RAD9A: variants seen among roughly 807,000 people sequenced by gnomAD.
RAD9A encodes the protein cell cycle checkpoint control protein RAD9A.
RAD9A carries 25 observed loss-of-function variants against 41.2 expected under a neutral mutation model. The ratio of observed to expected loss-of-function variants is 0.61; its 90% CI spans 0.44 to 0.85. The LOEUF is 0.85. Ranked by LOEUF, RAD9A falls within the 40% of genes least tolerant of loss-of-function variation. The pLI is 0.00. For missense variants in RAD9A, 514 were observed against 518.3 expected (o/e 0.99, Z 0.08); for synonymous variants, 252 against 210.6 (o/e 1.20, Z -1.70).
intron 3 of RAD9A, 75 bp from the exon 4 acceptor site, chr11:67,393,421 G>A: frequency 1.3e-6 from 2 of 1,562,920 alleles, no homozygotes; most frequent in South Asian, 1.2e-5. Flanking sequence ...GCCCATGATG[G>A]GTGTGGGCCT....
In RAD9A at chr11:67,392,682, G is replaced by A; in HGVS notation, c.134G>A (p.Arg45His). ...TCCCTCCGGACGGTGAACTCCTCCCGCTCTGCCTATGCCTGCTTTCTCTTT... is the reference window on the plus strand; with the variant it reads ...TCCCTCCGGACGGTGAACTCCTCCCACTCTGCCTATGCCTGCTTTCTCTTT... ...GLSLRTVNSSRSAYACFLFAP... is the reference protein window; with the variant it reads ...GLSLRTVNSSHSAYACFLFAP... Residue 45 changes from arginine (R) to histidine (H), a missense_variant, in exon 3 of 11, where the codon CGC becomes CAC. By Grantham distance (29) the Arg-to-His change is conservative (BLOSUM62 0). Coordinates refer to ENST00000307980, the MANE Select transcript of RAD9A (RefSeq NM_004584.3). 6.2e-7 allele frequency: 1 copy of A among 1,613,842 alleles called. No homozygotes were observed. Among genetic ancestry groups the A allele is most frequent in the Non-Finnish European group, 8.5e-7 (1 of 1,179,958 alleles).
In RAD9A at chr11:67,397,315, C is replaced by T. The variant is rs769181327; in HGVS notation, c.1009C>T (p.Pro337Ser). 2.5e-6 allele frequency: 4 copies of T among 1,596,504 alleles called. No individual in the cohort carries two copies. The highest frequency in any genetic ancestry group is 2.6e-6 in the Non-Finnish European group (3 of 1,170,492). ...ACCTGGCCCCCAGCCCCCCAAGAGC[C>T]CCGGTCCCCACTCCGAGGAGGAAGA... ...LSPGPQPPKSPGPHSEEEDEA... is the reference protein window; with the variant it reads ...LSPGPQPPKSSGPHSEEEDEA... The change falls in exon 10 of 11, where the codon CCC becomes TCC. Residue 337 changes from proline (P) to serine (S), a missense_variant. Physicochemically the swap from Pro to Ser is moderately conservative, Grantham distance 74. Transcript: ENST00000307980.
In RAD9A at chr11:67,392,017, T is replaced by C. The variant is rs1380053828; in HGVS notation, c.-28T>C. 18 of 1,550,594 alleles carry C rather than the reference T, an allele frequency of 1.2e-5. No homozygotes were observed. Among genetic ancestry groups the C allele is most frequent in the Non-Finnish European group, 1.4e-5 (16 of 1,150,396 alleles). ...GGAGGTCGCGGAGAGCTGGGCAGTGTTGGCCGCTGGCGGAGCGCTGGGGCA... is the reference window on the plus strand; with the variant it reads ...GGAGGTCGCGGAGAGCTGGGCAGTGCTGGCCGCTGGCGGAGCGCTGGGGCA... On this transcript the variant is annotated 5_prime_UTR_variant, in exon 1 of 11. Coordinates refer to ENST00000307980, the MANE Select transcript of RAD9A (RefSeq NM_004584.3).
chr11:67,393,869 G>A (rs1051859886), intron 5 of RAD9A, 79 bp downstream of exon 5: 2 of 1,159,556 alleles, frequency 1.7e-6, no homozygotes, highest in Non-Finnish European at 2.4e-6. Context: ...GATTTTAGAA[G>A]GTACCTCTTT....
In RAD9A at chr11:67,392,248, T is replaced by TGGGGGGGGG; in HGVS notation, c.105+23_105+24insGGGGGGGGG. ...GAGGACGGGGTGAGGGGCTAGGGTGTGGGGGGCGGGTGGGACTCCAGCCGG... is the reference window on the plus strand; with the variant it reads ...GAGGACGGGGTGAGGGGCTAGGGTGTGGGGGGGGGGGGGGGCGGGTGGGACTCCAGCCGG... On this transcript the variant is annotated intron_variant, in intron 2 of 10. Transcript: ENST00000307980. 1 of 321,852 alleles carries TGGGGGGGGG rather than the reference T, an allele frequency of 3.1e-6. No individual in the cohort carries two copies. Among genetic ancestry groups the TGGGGGGGGG allele is most frequent in the Non-Finnish European group, 6.2e-6 (1 of 162,536 alleles). 19.9% of individuals were successfully genotyped at this position (321,852 alleles called of 1,614,324 possible).
At chr11:67,394,849 C>G (rs963413162) in intron 5 of RAD9A, among the ~76,000 whole-genome samples, 3 of 151,852 alleles carry the variant, frequency 2.0e-5, no homozygotes, top group Admixed American at 6.6e-5. Flanking sequence ...CTCCCGACCT[C>G]AGGTGATCTG....
At chr11:67,395,877 G>A (rs2422488) in intron 6 of RAD9A, 35 bp from the exon 7 acceptor site, 7 of 1,612,792 alleles carry the variant, frequency 4.3e-6, no homozygotes, top group Non-Finnish European at 5.9e-6. Context: ...TGGGAGAGGG[G>A]CGGGGCCCAG....
At position 67,395,773 on chromosome 11, in the gene RAD9A, C is replaced by T; in HGVS notation, c.507C>T (p.Gly169=). Reference sequence around the variant, plus strand: ...CTGCACTGGCTGAAGTGACGCTGGGCATTGGCCGTGGCCGCAGGGTCATCC... The same window carrying T: ...CTGCACTGGCTGAAGTGACGCTGGGTATTGGCCGTGGCCGCAGGGTCATCC... The part of the protein sequence containing the change: ...FSPALAEVTL[G]IGRGRRVILR... Residue 169 remains glycine, a synonymous_variant, in exon 6 of 11, where the codon GGC becomes GGT. Coordinates refer to ENST00000307980, the MANE Select transcript of RAD9A (RefSeq NM_004584.3). The T allele has an allele frequency of 6.2e-7, 1 of 1,613,822 alleles. No homozygotes were observed. The highest frequency in any genetic ancestry group is 8.5e-7 in the Non-Finnish European group (1 of 1,179,920).
intron 3 of RAD9A, 32 bp downstream of exon 3, chr11:67,392,814 C>A (rs2066491): frequency 1.4e-5 from 23 of 1,610,182 alleles, no homozygotes; most frequent in Non-Finnish European, 2.0e-5. Flanking sequence ...TGGCACTACT[C>A]CACCCCAGGA....
intron 5 of RAD9A, among the ~76,000 whole-genome samples, chr11:67,394,678 C>T (rs919047007): frequency 9.9e-5 from 15 of 151,652 alleles, no homozygotes; most frequent in Non-Finnish European, 1.9e-4. Flanking sequence ...GGCAATGGCA[C>T]GATCTCGGCT....
intron 9 of RAD9A, among the ~76,000 whole-genome samples, chr11:67,396,799 T>C (rs969452166): frequency 7.9e-5 from 12 of 152,278 alleles, no homozygotes; most frequent in Middle Eastern, 3.4e-3. Flanking sequence ...GCACAGGAAG[T>C]TGGGGCTGGC....
chr11:67,394,740 G>A, intron 5 of RAD9A, among the ~76,000 whole-genome samples: 1 of 150,710 alleles, frequency 6.6e-6, no homozygotes, highest in Middle Eastern at 3.2e-3. Flanking sequence ...TCAGCCTCCC[G>A]AGTAGCTGGG....
chr11:67,394,722 C>T (rs538398404), intron 5 of RAD9A, among the ~76,000 whole-genome samples: 130 of 151,440 alleles, frequency 8.6e-4, no homozygotes, highest in African/African-American at 3.1e-3. Context: ...AAAAGTGATT[C>T]TCCTGCCTCA....
intron 5 of RAD9A, among the ~76,000 whole-genome samples, chr11:67,394,202 G>A (rs1862617522): frequency 1.3e-5 from 2 of 152,332 alleles, no homozygotes; most frequent in African/African-American, 2.4e-5. Context: ...TCCGGCCTGG[G>A]CATCCTTCCA....
In RAD9A at chr11:67,397,471, C is replaced by T. The variant is rs754054842; in HGVS notation, c.1088C>T (p.Ser363Leu). 1 of 1,611,090 alleles carries T rather than the reference C, an allele frequency of 6.2e-7. No individual in the cohort carries two copies. Among genetic ancestry groups the T allele is most frequent in the South Asian group, 1.1e-5 (1 of 90,954 alleles). ...PGTPPPKKFR[S>L]LFFGSILAPV... ...CACTTGTTCTCTTTCCAGTTCCGCT[C>T]ACTGTTCTTCGGCTCCATCCTGGCC... Residue 363 changes from serine to leucine, a missense_variant, in exon 11 of 11, where the codon TCA becomes TTA. Physicochemically the swap from Ser to Leu is moderately radical, Grantham distance 145. Coordinates refer to ENST00000307980, the MANE Select transcript of RAD9A (RefSeq NM_004584.3).
In RAD9A at chr11:67,393,173, G is replaced by A. The variant is rs1277549312; in HGVS notation, c.235-323G>A. On this transcript the variant is annotated intron_variant, in intron 3 of 10. Transcript: ENST00000307980. ...CACGCGCCTGTAATCCCAGCTACTC[G>A]GGAGGCTGAGGCAGGAGAATTGCTT... 2.2e-5 allele frequency: 13 copies of A among 602,326 alleles called. No homozygotes were observed. In the Admixed American group the frequency reaches 3.5e-4, roughly 16 times the overall value. The allele number at this position is 602,326 out of a possible 1,614,324, so 37.3% of individuals were successfully genotyped here.
chr11:67,396,046 C>A (rs372877970), intron 7 of RAD9A, 25 bp downstream of exon 7: 8 of 1,613,618 alleles, frequency 5.0e-6, no homozygotes, highest in South Asian at 1.1e-5. Context: ...AGGCGCTCGC[C>A]GTCCTGTCCT....
In RAD9A at chr11:67,395,766, C is replaced by T. The variant is rs200058436; in HGVS notation, c.500C>T (p.Thr167Met). Residue 167 changes from threonine to methionine, a missense_variant, in exon 6 of 11, where the codon ACG (threonine) becomes ATG (methionine). By Grantham distance (81) the Thr-to-Met change is moderately conservative (BLOSUM62 -1). Transcript: ENST00000307980. ...TTCTCTCCTGCACTGGCTGAAGTGA[C>T]GCTGGGCATTGGCCGTGGCCGCAGG... is the stretch of plus-strand genomic sequence containing the variant. ...LPFSPALAEV[T>M]LGIGRGRRVI... 2.2e-5 allele frequency: 35 copies of T among 1,613,624 alleles called. No homozygotes were observed. The highest frequency in any genetic ancestry group is 5.3e-5 in the African/African-American group (4 of 75,034).
intron 2 of RAD9A, 24 bp downstream of exon 2, chr11:67,392,255 C>CGGGGGGGGG: frequency 2.2e-6 from 1 of 453,534 alleles, no homozygotes; most frequent in Non-Finnish European, 4.3e-6. Context: ...GTGTGGGGGG[C>CGGGGGGGGG]GGGTGGGACT....
Sources: gnomAD v4.1 joint callset for allele counts (sites outside exome capture counted in the v4.1 genomes callset) on GRCh38, gnomAD v4.1.1 for gene constraint, MANE v1.5 for transcripts, NCBI Gene and HGNC (gene_info 2026-07-23, HGNC 2026-07-21) for gene names.